Variants in VWA5B1 observed in about 807,000 individuals in gnomAD.
VWA5B1 encodes von Willebrand factor A domain-containing protein 5B1.
A neutral mutation model predicts 118.2 loss-of-function variants in VWA5B1; 115 were observed. That is an observed-to-expected ratio of 0.97 (90% CI 0.84 to 1.14). VWA5B1 has a LOEUF of 1.14. Among genes scored for constraint, VWA5B1 ranks in the 50% most tolerant of loss-of-function variants. The probability of loss-of-function intolerance (pLI) is 0.00; values close to 1 mark genes in which losing one functional copy is unlikely to be tolerated. For missense variants in VWA5B1, 1,596 were observed against 1,603.8 expected (o/e 1.00, Z 0.08); for synonymous variants, 682 against 658.4 (o/e 1.04, Z -0.55).
intron 21 of VWA5B1, among the ~76,000 whole-genome samples, chr1:20,352,634 A>G (rs548561908): frequency 3.9e-5 from 6 of 152,310 alleles, no homozygotes; most frequent in African/African-American, 1.2e-4. Context: ...TGAGAGACTC[A>G]GGTCTGGAGT....
rs2089281927 is a variant in VWA5B1 at position 20,323,411 on chromosome 1, T to G, written c.1022T>G (p.Met341Arg). Residue 341 changes from methionine (M) to arginine (R), a missense_variant, in exon 8 of 22, where the codon ATG (methionine) becomes AGG (arginine). Physicochemically the swap from Met to Arg is moderately conservative, Grantham distance 91 (BLOSUM62 -1). Coordinates refer to ENST00000289815, the MANE Select transcript of VWA5B1 (RefSeq NM_001039500.3). Reference sequence around the variant, plus strand: ...GACATTCCCCACCACTCCGTCATCATGCTCAACTTCTGTCCCGACCTCCAG... The same window carrying G: ...GACATTCCCCACCACTCCGTCATCAGGCTCAACTTCTGTCCCGACCTCCAG... Reference protein sequence around the residue: ...HKDIPHHSVIMLNFCPDLQSV... With the variant: ...HKDIPHHSVIRLNFCPDLQSV... The G allele has an allele frequency of 2.0e-6, 3 of 1,531,644 alleles. No homozygotes were observed. Among genetic ancestry groups the G allele is most frequent in the East Asian group, 5.1e-5 (2 of 39,264 alleles). 94.9% of individuals were successfully genotyped at this position (1,531,644 alleles called of 1,614,324 possible).
chr1:20,334,181 A>C (rs1015334954), intron 12 of VWA5B1, among the ~76,000 whole-genome samples: 2 of 152,226 alleles, frequency 1.3e-5, no homozygotes, highest in Non-Finnish European at 2.9e-5. Flanking sequence ...AGATTTTTTA[A>C]TGTTATGAAA....
chr1:20,330,333 A>C lies in VWA5B1; in HGVS notation c.1408A>C (p.Asn470His), dbSNP rs1051658222. 2 of 1,551,624 alleles carry C rather than the reference A, an allele frequency of 1.3e-6. No individual in the cohort carries two copies. The highest frequency in any genetic ancestry group is 1.7e-6 in the Non-Finnish European group (2 of 1,147,018). ...CGTGATCACAGATGGCGCTGTCAAC[A>C]ACACAGGGAAGGTGCTGGAGCTGGT... is the stretch of plus-strand genomic sequence containing the variant. Reference protein sequence around the residue: ...LFVITDGAVNNTGKVLELVRN... With the variant: ...LFVITDGAVNHTGKVLELVRN... Residue 470 changes from asparagine to histidine, a missense_variant, in exon 10 of 22, where the codon AAC (asparagine) becomes CAC (histidine). Coordinates refer to ENST00000289815, the MANE Select transcript of VWA5B1 (RefSeq NM_001039500.3).
At chr1:20,291,359 T>TTCTTTCTCTCTCTCTCTCTC (rs1381113890) in intron 1 of VWA5B1, among the ~76,000 whole-genome samples, 4 of 103,336 alleles carry the variant, frequency 3.9e-5, no homozygotes, top group African/African-American at 1.5e-4. Context: ...CTTTCTTTCT[T>TTCTTTCTCTCTCTCTCTCTC]TCTCTCTCTC....
In VWA5B1 at chr1:20,357,263, C is replaced by A. The variant is rs2101041936; in HGVS notation, c.*3000C>A. Among the ~76,000 whole-genome samples, 1 of 152,318 alleles carries A rather than the reference C, an allele frequency of 6.6e-6. No individual in the cohort carries two copies. Among genetic ancestry groups the A allele is most frequent in the East Asian group, 1.9e-4 (1 of 5,184 alleles). On this transcript the variant is annotated 3_prime_UTR_variant, in exon 22 of 22. Transcript: ENST00000289815. The stretch of plus-strand genomic sequence containing the variant: ...TGGCAAATTACTTGCTTTCTCTGAA[C>A]CCCTGTTTCATCTTTTGTGGAATGA...
chr1:20,309,442 GT>G (rs1012658796), intron 1 of VWA5B1, among the ~76,000 whole-genome samples: 22 of 152,216 alleles, frequency 1.4e-4, no homozygotes, highest in African/African-American at 5.3e-4. Context: ...GGGGTTACTG[GT>G]TTAAAAATGA....
intron 17 of VWA5B1, among the ~76,000 whole-genome samples, chr1:20,347,686 C>T (rs1394383439): frequency 6.6e-6 from 1 of 151,858 alleles, no homozygotes; most frequent in East Asian, 1.9e-4. Context: ...TGGTCTTGAA[C>T]TCCTGAGCTC....
At position 20,343,426 on chromosome 1, in the gene VWA5B1, A is replaced by G; in HGVS notation, c.2626+33A>G. The G allele has an allele frequency of 2.7e-6, 4 of 1,477,978 alleles. No homozygotes were observed. The East Asian group carries it at 9.9e-5, about 37-fold the overall frequency. The allele number at this position is 1,477,978 out of a possible 1,614,324, so 91.6% of individuals were successfully genotyped here. On this transcript the variant is annotated intron_variant, in intron 16 of 21. Coordinates refer to ENST00000289815, the MANE Select transcript of VWA5B1 (RefSeq NM_001039500.3). Reference sequence around the variant, plus strand: ...CCACGGAACTGCGCCCCTCCCGCGGACGGCCTCCGGAGGACAGCCCCGCTC... The same window carrying G: ...CCACGGAACTGCGCCCCTCCCGCGGGCGGCCTCCGGAGGACAGCCCCGCTC...
intron 1 of VWA5B1, among the ~76,000 whole-genome samples, chr1:20,308,663 C>A (rs562240963): frequency 6.6e-6 from 1 of 152,178 alleles, no homozygotes; most frequent in Non-Finnish European, 1.5e-5. Flanking sequence ...AGCTCCCTCC[C>A]GGCTCTTTAT....
chr1:20,350,299 T>G (rs1024977189), intron 19 of VWA5B1, 69 bp downstream of exon 19: 5 of 1,520,008 alleles, frequency 3.3e-6, no homozygotes, highest in Admixed American at 2.0e-5. Flanking sequence ...GTCAGGAGAG[T>G]ATCTTAGCAC....
intron 21 of VWA5B1, 77 bp downstream of exon 21, chr1:20,352,249 A>T: frequency 1.9e-6 from 2 of 1,071,952 alleles, no homozygotes; most frequent in South Asian, 3.1e-5. Flanking sequence ...CCCCCTGCCC[A>T]CCTCTCCACT....
In VWA5B1 at chr1:20,336,372, G is replaced by T; in HGVS notation, c.1828G>T (p.Asp610Tyr). The T allele has an allele frequency of 6.5e-7, 1 of 1,528,160 alleles. No homozygotes were observed. Among genetic ancestry groups the T allele is most frequent in the Non-Finnish European group, 8.8e-7 (1 of 1,135,136 alleles). The allele number at this position is 1,528,160 out of a possible 1,614,324, so 94.7% of individuals were successfully genotyped here. ...CAGCTCTGTCTTCTACCACTCTCAG[G>T]ATGACGGACCCGGGCTGGAAGGTGG... ...SGSSVFYHSQ[D>Y]DGPGLEGGDC... Residue 610 changes from aspartate to tyrosine, a missense_variant, in exon 13 of 22, where the codon GAT (aspartate) becomes TAT (tyrosine). Transcript: ENST00000289815.
intron 14 of VWA5B1, chr1:20,338,039 G>T (rs1161122321): frequency 1.4e-6 from 1 of 714,786 alleles, no homozygotes; most frequent in Non-Finnish European, 2.5e-6. Flanking sequence ...CAATAAGCTC[G>T]CTCATTCCCT....
At chr1:20,349,167 G>A in intron 18 of VWA5B1, 1 of 445,636 alleles carries the variant, frequency 2.2e-6, no homozygotes, top group South Asian at 1.6e-5. Flanking sequence ...AGTGTGAGGG[G>A]GTGGAAACCC....
chr1:20,332,341 A>G (rs540298491), intron 11 of VWA5B1, among the ~76,000 whole-genome samples: 1 of 152,070 alleles, frequency 6.6e-6, no homozygotes, highest in African/African-American at 2.4e-5. Context: ...TTAGCTGGGC[A>G]TGATGGCGGG....
chr1:20,336,425 C>T lies in VWA5B1; in HGVS notation c.1881C>T (p.Pro627=), dbSNP rs1230084243. ...ACTGTGCCAAGAACTCGGGGGCACCCTTCATCCTAGGGCAGGCCAAAAATG... is the reference window on the plus strand; with the variant it reads ...ACTGTGCCAAGAACTCGGGGGCACCTTTCATCCTAGGGCAGGCCAAAAATG... ...GGDCAKNSGA[P]FILGQAKNAR... Residue 627 remains proline, a synonymous_variant, in exon 13 of 22, where the codon CCC becomes CCT. Coordinates refer to ENST00000289815, the MANE Select transcript of VWA5B1 (RefSeq NM_001039500.3). 6.6e-7 allele frequency: 1 copy of T among 1,518,862 alleles called. No homozygotes were observed. 94.1% of individuals were successfully genotyped at this position (1,518,862 alleles called of 1,614,324 possible). A position where few individuals can be genotyped will look rare whatever the true frequency, so the allele number is the denominator to read the frequency against.
rs548746029 is a variant in VWA5B1 at position 20,354,455 on chromosome 1, C to G, written c.*192C>G. The stretch of plus-strand genomic sequence containing the variant: ...TACCATCCAGCCATGCAACTTTAGG[C>G]CAGTGCCTGCCCCCGTCTGGGCCTC... On this transcript the variant is annotated 3_prime_UTR_variant, in exon 22 of 22. Transcript: ENST00000289815. 1.5e-6 allele frequency: 1 copy of G among 670,428 alleles called. No homozygotes were observed. The highest frequency in any genetic ancestry group is 2.0e-5 in the South Asian group (1 of 49,944). 41.5% of individuals were successfully genotyped at this position (670,428 alleles called of 1,614,324 possible).
intron 17 of VWA5B1, among the ~76,000 whole-genome samples, 176 bp from the exon 18 acceptor site, chr1:20,348,069 G>A (rs2090044677): frequency 6.6e-6 from 1 of 152,248 alleles, no homozygotes; most frequent in East Asian, 1.9e-4. Flanking sequence ...ATGGGGCTGG[G>A]GCTCAAACCT....
Position 20,354,078 on chromosome 1 carries a change from T to C in VWA5B1, c.3463T>C (p.Ser1155Pro). ...GLAWLEHSSA[S>P]YFTEWELVAA... ...GGCATGGCTGGAGCACAGTTCGGCC[T>C]CCTACTTCACTGAGTGGGAGTTGGT... The change falls in exon 22 of 22, where the codon TCC (serine) becomes CCC (proline). Residue 1155 changes from serine (S) to proline (P), a missense_variant. Transcript: ENST00000289815. 6.4e-7 allele frequency: 1 copy of C among 1,551,562 alleles called. No individual in the cohort carries two copies. The highest frequency in any genetic ancestry group is 8.7e-7 in the Non-Finnish European group (1 of 1,146,982).
Sources: allele counts gnomAD v4.1 joint callset (sites outside exome capture counted in the v4.1 genomes callset), GRCh38; gene constraint gnomAD v4.1.1; transcripts MANE v1.5; gene names NCBI Gene and HGNC (gene_info 2026-07-23, HGNC 2026-07-21).